The following CACNA1B variants were observed in gnomAD, a reference collection of about 807,000 sequenced individuals.
The protein encoded by CACNA1B is calcium voltage-gated channel subunit alpha1 B.
In CACNA1B, 70 loss-of-function variants were observed where a neutral mutation model predicts 247.2. That is an observed-to-expected ratio of 0.28 (90% CI 0.23 to 0.35). CACNA1B has a LOEUF of 0.35. Among genes scored for constraint, CACNA1B ranks in the 10% least tolerant of loss-of-function variants. The probability of loss-of-function intolerance (pLI) is 1.00; values close to 1 mark genes in which losing one functional copy is unlikely to be tolerated. For missense variants in CACNA1B, 2,367 were observed against 3,197.4 expected (o/e 0.74, Z 6.26); for synonymous variants, 1,231 against 1,294.4 (o/e 0.95, Z 1.05).
intron 3 of CACNA1B, among the ~76,000 whole-genome samples, chr9:137,910,864 T>C (rs1045392142): frequency 1.2e-4 from 18 of 152,202 alleles, no homozygotes; most frequent in African/African-American, 3.9e-4. Context: ...CTTGCTCTGA[T>C]GCACGGAACT....
chr9:137,919,986 A>C lies in CACNA1B; in HGVS notation c.966+2555A>C, dbSNP rs1424060364. 6.6e-6 allele frequency among the ~76,000 whole-genome samples: 1 copy of C among 152,064 alleles called. No individual in the cohort carries two copies. The highest frequency in any genetic ancestry group is 1.9e-4 in the East Asian group (1 of 5,178). ...CAGTAAATTCCTGTTAGGTCCAGAG[A>C]GGTGAGATCATCTCAGGACAGCACC... On this transcript the variant is annotated intron_variant, in intron 6 of 46. Transcript: ENST00000371372. This position sits in a 1 kb window ranked among gnomAD's most constrained non-coding sequence, Gnocchi z 4.6.
Position 137,913,120 on chromosome 9 carries a change from G to A in CACNA1B, c.531-60G>A. On this transcript the variant is annotated intron_variant, in intron 3 of 46. Coordinates refer to ENST00000371372, the MANE Select transcript of CACNA1B (RefSeq NM_000718.4). The surrounding 1 kb of genome is among the most constrained non-coding windows in gnomAD (Gnocchi z 5.2). The stretch of plus-strand genomic sequence containing the variant: ...ATGACCCTGGTGGTGGGAGGAGTGT[G>A]TCCTCTTCCAGGCTCAATGTGGAAA... 2 of 1,322,330 alleles carry A rather than the reference G, an allele frequency of 1.5e-6. No individual in the cohort carries two copies. The highest frequency in any genetic ancestry group is 2.2e-6 in the Non-Finnish European group (2 of 920,264). The allele number at this position is 1,322,330 out of a possible 1,614,324, so 81.9% of individuals were successfully genotyped here.
chr9:137,906,792 C>T (rs1957304996), intron 3 of CACNA1B, among the ~76,000 whole-genome samples: 1 of 151,784 alleles, frequency 6.6e-6, no homozygotes, highest in African/African-American at 2.4e-5. Context: ...TATTCCTCTG[C>T]ATGCCATGTG....
chr9:137,909,537 C>T (rs548874550), intron 3 of CACNA1B, among the ~76,000 whole-genome samples: 1 of 152,308 alleles, frequency 6.6e-6, no homozygotes, highest in African/African-American at 2.4e-5. Context: ...ATTAGAGCGT[C>T]GTTCCTTTTG....
chr9:138,112,148 A>C (rs1007615083), intron 39 of CACNA1B, among the ~76,000 whole-genome samples: 9 of 121,268 alleles, frequency 7.4e-5, no homozygotes, highest in African/African-American at 2.3e-4. Flanking sequence ...TCGGACACAC[A>C]CGTGTGCACA....
Position 138,054,721 on chromosome 9 carries a change from C to T in CACNA1B, c.3968+715C>T, listed in dbSNP as rs372827569. ...GTGGAATTGCCGGGTCCTGGGTGTG[C>T]GTGTACTCAGCCTTAGTAGATGCTG... On this transcript the variant is annotated intron_variant, in intron 26 of 46. Coordinates refer to ENST00000371372, the MANE Select transcript of CACNA1B (RefSeq NM_000718.4). This position sits in a 1 kb window ranked among gnomAD's most constrained non-coding sequence, Gnocchi z 4.6. Among the ~76,000 whole-genome samples, 23 of 152,284 alleles carry T rather than the reference C, an allele frequency of 1.5e-4. No homozygotes were observed. Among genetic ancestry groups the T allele is most frequent in the Admixed American group, 5.9e-4 (9 of 15,296 alleles).
At chr9:137,909,242 A>T (rs1382468802) in intron 3 of CACNA1B, among the ~76,000 whole-genome samples, 1 of 151,914 alleles carries the variant, frequency 6.6e-6, no homozygotes, top group Non-Finnish European at 1.5e-5. Flanking sequence ...CACCTGCCTC[A>T]GCCTCTCAAA....
rs1959590681 is a variant in CACNA1B at position 138,058,356 on chromosome 9, C to T, written c.4308+106C>T. Reference sequence around the variant, plus strand: ...ACAGCTGGGTCAGCTTTGGCTGCCACCGTCTGCCAACACAGGGGCAGGTCC... The same window carrying T: ...ACAGCTGGGTCAGCTTTGGCTGCCATCGTCTGCCAACACAGGGGCAGGTCC... On this transcript the variant is annotated intron_variant, in intron 28 of 46. Transcript: ENST00000371372. This position sits in a 1 kb window ranked among gnomAD's most constrained non-coding sequence, Gnocchi z 4.7. 4 of 1,092,296 alleles carry T rather than the reference C, an allele frequency of 3.7e-6. No homozygotes were observed. The Admixed American group carries it at 5.2e-5, about 14-fold the overall frequency. The allele number at this position is 1,092,296 out of a possible 1,614,324, so 67.7% of individuals were successfully genotyped here.
At chr9:138,119,135 T>C (rs1961984081) in intron 44 of CACNA1B, among the ~76,000 whole-genome samples, 1 of 152,012 alleles carries the variant, frequency 6.6e-6, no homozygotes, top group Non-Finnish European at 1.5e-5. Context: ...ACCCCCACTC[T>C]CATCCAGAAA....
chr9:138,121,381 G>A lies in CACNA1B; in HGVS notation c.6490-88G>A. The A allele has an allele frequency of 9.7e-7, 1 of 1,033,654 alleles. No individual in the cohort carries two copies. Among genetic ancestry groups the A allele is most frequent in the South Asian group, 1.8e-5 (1 of 56,036 alleles). The allele number at this position is 1,033,654 out of a possible 1,614,324, so 64.0% of individuals were successfully genotyped here. ...TCCCTCTCTCCTCCCATCCCCCCAG[G>A]CACCTGTGTGTGATGTGCTCTGTCT... On this transcript the variant is annotated intron_variant, in intron 46 of 46. Transcript: ENST00000371372. The surrounding 1 kb of genome is among the most constrained non-coding windows in gnomAD (Gnocchi z 6.8).
intron 3 of CACNA1B, among the ~76,000 whole-genome samples, chr9:137,907,659 A>G (rs1957313425): frequency 6.6e-6 from 1 of 152,176 alleles, no homozygotes; most frequent in Non-Finnish European, 1.5e-5. Context: ...AATTTTTTCT[A>G]CATTCAGAAA....
Position 138,121,665 on chromosome 9 carries a change from G to A in CACNA1B, c.6686G>A (p.Ser2229Asn), listed in dbSNP as rs1459534560. ...SLPAFSPGRL[S>N]RGLSEHNALL... ...CCTGCCTTCTCCCCAGGCCGGCTCA[G>A]CCGTGGGCTTTCCGAACACAACGCC... is the stretch of plus-strand genomic sequence containing the variant. Residue 2229 changes from serine to asparagine, a missense_variant, in exon 47 of 47, where the codon AGC becomes AAC. By Grantham distance (46) the Ser-to-Asn change is conservative (BLOSUM62 1). Transcript: ENST00000371372. The surrounding 1 kb of genome is among the most constrained non-coding windows in gnomAD (Gnocchi z 6.8). The A allele has an allele frequency of 1.2e-6, 2 of 1,613,154 alleles. No individual in the cohort carries two copies. The highest frequency in any genetic ancestry group is 1.7e-6 in the Non-Finnish European group (2 of 1,179,496).
In CACNA1B at chr9:137,957,009, A is replaced by C. The variant is rs919110274; in HGVS notation, c.1243+182A>C. Among the ~76,000 whole-genome samples the C allele has an allele frequency of 6.6e-6, 1 of 152,200 alleles. No individual in the cohort carries two copies. The highest frequency in any genetic ancestry group is 2.4e-5 in the African/African-American group (1 of 41,466). On this transcript the variant is annotated intron_variant, in intron 9 of 46. Transcript: ENST00000371372. This position sits in a 1 kb window ranked among gnomAD's most constrained non-coding sequence, Gnocchi z 4.7. ...TGACCCTGGCACCTGACACAGGCCC[A>C]CACTGCAGGTTTAAACCGAGCTGTG...
chr9:138,001,568 G>A (rs541807703), intron 15 of CACNA1B, among the ~76,000 whole-genome samples: 7 of 151,816 alleles, frequency 4.6e-5, no homozygotes, highest in East Asian at 1.9e-4. Context: ...TCAAGCAGTC[G>A]AAGCTAATGT....
At chr9:138,055,276 C>T (rs548493954) in intron 26 of CACNA1B, among the ~76,000 whole-genome samples, 3 of 152,086 alleles carry the variant, frequency 2.0e-5, no homozygotes, top group African/African-American at 4.8e-5. Context: ...ACTACAGGCA[C>T]GTGCCACCAT....
At position 137,882,193 on chromosome 9, in the gene CACNA1B, G is replaced by C. The variant is rs757184066; in HGVS notation, c.391-551G>C. ...GACTGAGTTCAAGAAAGCCTGAGCT[G>C]TATCCAGGCAACCTTGTGCAGGTTC... On this transcript the variant is annotated intron_variant, in intron 2 of 46. Transcript: ENST00000371372. The surrounding 1 kb of genome is among the most constrained non-coding windows in gnomAD (Gnocchi z 4.0). 6.6e-6 allele frequency among the ~76,000 whole-genome samples: 1 copy of C among 152,244 alleles called. No individual in the cohort carries two copies. The highest frequency in any genetic ancestry group is 1.5e-5 in the Non-Finnish European group (1 of 68,054).
rs868654706 is a variant in CACNA1B at position 137,901,024 on chromosome 9, C to T, written c.531-12156C>T. Among the ~76,000 whole-genome samples, 60 of 123,448 alleles carry T rather than the reference C, an allele frequency of 4.9e-4. No individual in the cohort carries two copies. In the East Asian group the frequency reaches 0.011, roughly 23 times the overall value. The allele number at this position is 123,448 out of a possible 152,430, so 81.0% of individuals were successfully genotyped here. A position where few individuals can be genotyped will look rare whatever the true frequency, so the allele number is the denominator to read the frequency against. On this transcript the variant is annotated intron_variant, in intron 3 of 46. Coordinates refer to ENST00000371372, the MANE Select transcript of CACNA1B (RefSeq NM_000718.4). ...TGTCTGTGCTGTGTGTCTCTGTGTC[C>T]GTGTGTCCGTGTCTGTGCTGTGTGT... is the stretch of plus-strand genomic sequence containing the variant.
chr9:137,999,231 T>TA (rs894860000), intron 15 of CACNA1B, among the ~76,000 whole-genome samples: 1 of 131,680 alleles, frequency 7.6e-6, no homozygotes, highest in South Asian at 2.3e-4. Context: ...AGACTCCAAC[T>TA]AAAAAAAATA....
Position 138,069,746 on chromosome 9 carries a change from C to T in CACNA1B, c.4669-12C>T, listed in dbSNP as rs1447217819. The T allele has an allele frequency of 1.2e-6, 2 of 1,605,784 alleles. No homozygotes were observed. The highest frequency in any genetic ancestry group is 1.7e-6 in the Non-Finnish European group (2 of 1,172,656). ...ATATGCAAATATCCATCCATGAAAACATCACATGTAGGAAACGGTTGGTTT... is the reference window on the plus strand; with the variant it reads ...ATATGCAAATATCCATCCATGAAAATATCACATGTAGGAAACGGTTGGTTT... On this transcript the variant is annotated splice_polypyrimidine_tract_variant and intron_variant, in intron 31 of 46. Transcript: ENST00000371372.
Sources: allele counts gnomAD v4.1 joint callset (sites outside exome capture counted in the v4.1 genomes callset), GRCh38; gene constraint gnomAD v4.1.1; non-coding constraint Gnocchi (gnomAD v3.1); transcripts MANE v1.5; gene names NCBI Gene and HGNC (gene_info 2026-07-23, HGNC 2026-07-21).